HECW2: variants seen among roughly 807,000 people sequenced by gnomAD.
HECW2 encodes the protein E3 ubiquitin-protein ligase HECW2.
In HECW2, 61 loss-of-function variants were observed where a neutral mutation model predicts 175.2. That is an observed-to-expected ratio of 0.35 (90% CI 0.28 to 0.43). The LOEUF (loss-of-function observed/expected upper bound fraction) is 0.43. Among genes scored for constraint, HECW2 ranks in the 20% least tolerant of loss-of-function variants. HECW2 has a pLI of 1.00. For synonymous variants in HECW2, 671 were observed against 731.0 expected (o/e 0.92, Z 1.32); for missense variants, 1,524 against 2,000.5 (o/e 0.76, Z 4.54).
chr2:196,547,105 C>T (rs935453911), intron 1 of HECW2, among the ~76,000 whole-genome samples: 5 of 152,260 alleles, frequency 3.3e-5, no homozygotes, highest in African/African-American at 1.2e-4. Context: ...GCTATCTTTA[C>T]CTCTAGTAAA....
chr2:196,282,392 T>C (rs1465256367), intron 14 of HECW2, among the ~76,000 whole-genome samples: 1 of 152,184 alleles, frequency 6.6e-6, no homozygotes, highest in Non-Finnish European at 1.5e-5. Flanking sequence ...GAGCCAAGCA[T>C]GAGTGGCCAA....
intron 1 of HECW2, among the ~76,000 whole-genome samples, chr2:196,471,685 G>A (rs568760666): frequency 9.9e-5 from 15 of 152,200 alleles, no homozygotes; most frequent in African/African-American, 2.9e-4. Context: ...TGGACCTGGA[G>A]GCCATTATCC....
intron 2 of HECW2, among the ~76,000 whole-genome samples, chr2:196,376,855 C>A (rs887817488): frequency 1.1e-4 from 17 of 150,468 alleles, no homozygotes; most frequent in South Asian, 2.1e-4. Flanking sequence ...AATCTCGAAC[C>A]CGGGAGGTGG....
intron 10 of HECW2, chr2:196,315,924 T>C (rs545256222): frequency 2.0e-5 from 3 of 152,334 alleles, no homozygotes; most frequent in Non-Finnish European, 4.4e-5. Context: ...TTAATCTGTA[T>C]ATACATAAAA....
intron 2 of HECW2, among the ~76,000 whole-genome samples, chr2:196,412,600 CTT>C (rs1166023195): frequency 7.2e-5 from 11 of 152,182 alleles, no homozygotes; most frequent in Non-Finnish European, 8.8e-5. Context: ...ATGATAAACT[CTT>C]TGTTTTGGCC....
intron 17 of HECW2, among the ~76,000 whole-genome samples, chr2:196,264,367 A>C (rs571822921): frequency 1.3e-5 from 2 of 152,342 alleles, no homozygotes; most frequent in Non-Finnish European, 1.5e-5. Flanking sequence ...TTTTCTTCAT[A>C]AATATAACAG....
At chr2:196,275,281 T>C (rs1689900964) in intron 15 of HECW2, among the ~76,000 whole-genome samples, 2 of 152,136 alleles carry the variant, frequency 1.3e-5, no homozygotes, top group Admixed American at 6.5e-5. Flanking sequence ...GTTTATATTA[T>C]TTGTCAATTA....
rs1241389501 is a variant in HECW2, at chr2:196,194,687, GA to G, written c.*6589del. The G allele has an allele frequency of 6.6e-6, 1 of 151,936 alleles. No individual in the cohort carries two copies. Among genetic ancestry groups the G allele is most frequent in the Non-Finnish European group, 1.5e-5 (1 of 67,996 alleles). The allele number at this position is 151,936 out of a possible 1,614,324, so 9.4% of individuals were successfully genotyped here. A position where few individuals can be genotyped will look rare whatever the true frequency, so the allele number is the denominator to read the frequency against. ...TTGAAAAAAAAATTACATATAAGGT[GA>G]AGTGAGAGCTGTATAACCTTAATGC... On this transcript the variant is annotated 3_prime_UTR_variant, in exon 29 of 29. Coordinates refer to ENST00000644978, the MANE Select transcript of HECW2 (RefSeq NM_001348768.2).
intron 2 of HECW2, among the ~76,000 whole-genome samples, chr2:196,394,250 C>T (rs991049110): frequency 4.6e-5 from 7 of 151,564 alleles, no homozygotes; most frequent in African/African-American, 1.7e-4. Context: ...TGTATGCATA[C>T]GTAACAAATG....
chr2:196,560,259 C>T (rs929433834), intron 1 of HECW2, among the ~76,000 whole-genome samples: 6 of 152,168 alleles, frequency 3.9e-5, no homozygotes, highest in African/African-American at 1.4e-4. Context: ...GATTCTCCTG[C>T]CTCAGCCTCC....
At chr2:196,308,133 T>A in intron 10 of HECW2, 48 bp from the exon 11 acceptor site, 1 of 1,386,074 alleles carries the variant, frequency 7.2e-7, no homozygotes, top group Non-Finnish European at 9.7e-7. Flanking sequence ...GGAGCTGAGA[T>A]GATTAATAGG....
At chr2:196,270,062 T>A (rs922222078) in intron 17 of HECW2, among the ~76,000 whole-genome samples, 1 of 152,180 alleles carries the variant, frequency 6.6e-6, no homozygotes, top group Non-Finnish European at 1.5e-5. Flanking sequence ...GGATCAGTAT[T>A]TGGGAATCAC....
At chr2:196,503,173 G>T (rs546433430) in intron 1 of HECW2, among the ~76,000 whole-genome samples, 1 of 152,280 alleles carries the variant, frequency 6.6e-6, no homozygotes, top group Admixed American at 6.5e-5. Flanking sequence ...GACTGAGAGT[G>T]TGTATACTGG....
chr2:196,417,348 A>G (rs996358560), intron 2 of HECW2, among the ~76,000 whole-genome samples: 3 of 152,234 alleles, frequency 2.0e-5, no homozygotes, highest in Non-Finnish European at 2.9e-5. Flanking sequence ...AGACAGCATC[A>G]CATAATAAGA....
At chr2:196,257,603 G>A in intron 18 of HECW2, 1 of 555,838 alleles carries the variant, frequency 1.8e-6, no homozygotes, top group Non-Finnish European at 3.2e-6. Context: ...TCCCTTGCCA[G>A]CAGGGTGAAA....
At chr2:196,431,227 T>G (rs770102927) in intron 2 of HECW2, among the ~76,000 whole-genome samples, 1 of 152,202 alleles carries the variant, frequency 6.6e-6, no homozygotes, top group Non-Finnish European at 1.5e-5. Context: ...CTCTGACCTA[T>G]ACTTCTTCCT....
At chr2:196,312,234 T>C (rs1243025111) in intron 10 of HECW2, among the ~76,000 whole-genome samples, 1 of 146,426 alleles carries the variant, frequency 6.8e-6, no homozygotes, top group Non-Finnish European at 1.5e-5. Context: ...AATTACAACG[T>C]ATCAGGGATG....
intron 2 of HECW2, among the ~76,000 whole-genome samples, chr2:196,383,793 C>T (rs977920049): frequency 1.3e-5 from 2 of 152,178 alleles, no homozygotes; most frequent in African/African-American, 2.4e-5. Flanking sequence ...TCAGTAGTGG[C>T]CCTTCACACA....
intron 10 of HECW2, among the ~76,000 whole-genome samples, chr2:196,314,248 G>A (rs1428266935): frequency 6.6e-6 from 1 of 152,226 alleles, no homozygotes; most frequent in Non-Finnish European, 1.5e-5. Flanking sequence ...TATCCCAGAA[G>A]AAGAGAAAGC....
Sources: gnomAD v4.1 joint callset for allele counts (sites outside exome capture counted in the v4.1 genomes callset) on GRCh38, gnomAD v4.1.1 for gene constraint, MANE v1.5 for transcripts, NCBI Gene and HGNC (gene_info 2026-07-23, HGNC 2026-07-21) for gene names.